Variants in MAGEA4 observed in about 807,000 individuals in gnomAD.
The protein encoded by MAGEA4 is melanoma-associated antigen 4.
A neutral mutation model predicts 13.7 loss-of-function variants in MAGEA4; 1 was observed. The observed-to-expected ratio is 0.07, with a 90% CI of 0.03 to 0.35. The LOEUF is 0.35. Among genes scored for constraint, MAGEA4 ranks in the 10% least tolerant of loss-of-function variants. MAGEA4 has a pLI of 0.99. For synonymous variants in MAGEA4, 132 were observed against 101.1 expected, an observed-to-expected ratio of 1.31 and a Z score of -1.83; for missense variants, 312 against 245.1, an observed-to-expected ratio of 1.27 and a Z score of -1.82.
Position 151,924,818 on chromosome X carries a change from T to A in MAGEA4, c.*200T>A. 2.6e-6 allele frequency: 1 copy of A among 391,982 alleles called. No individual in the cohort carries two copies. The highest frequency in any genetic ancestry group is 4.3e-5 in the East Asian group (1 of 23,466). The allele number at this position is 391,982 out of a possible 1,213,427, so 32.3% of individuals were successfully genotyped here. A position where few individuals can be genotyped will look rare whatever the true frequency, so the allele number is the denominator to read the frequency against. The stretch of plus-strand genomic sequence containing the variant: ...ATTTATCTCTGTTTCCTTTTACAAT[T>A]GTTGAAATGTTCCTTTTAATGGATG... On this transcript the variant is annotated 3_prime_UTR_variant, in exon 3 of 3. Coordinates refer to ENST00000276344, the MANE Select transcript of MAGEA4 (RefSeq NM_001011548.1).
At chrX:151,923,556 T>C (rs1489209520) in intron 2 of MAGEA4, 32 bp downstream of exon 2, 1 of 1,208,388 alleles carries the variant, frequency 8.3e-7, no homozygotes, top group South Asian at 1.8e-5. Flanking sequence ...CCTCTAAGAT[T>C]TGGTTCTCAG....
chrX:151,919,101 C>T (rs1173075925), intron 1 of MAGEA4: 12 of 733,432 alleles, frequency 1.6e-5, no homozygotes, highest in African/African-American at 2.4e-5. Flanking sequence ...AATAATCCCG[C>T]ACCACTCCTG....
rs367779834 is a variant in MAGEA4, at chrX:151,924,538, G to A, written c.874G>A (p.Val292Ile). 10 of 1,208,958 alleles carry A rather than the reference G, an allele frequency of 8.3e-6. No homozygotes were observed. The highest frequency in any genetic ancestry group is 1.0e-5 in the Non-Finnish European group (9 of 894,716). Residue 292 changes from valine (V) to isoleucine (I), a missense_variant, in exon 3 of 3, where the codon GTC becomes ATC. Val to Ile is a conservative substitution (Grantham distance 29). Transcript: ENST00000276344. ...CTATGTGAAAGTCCTGGAGCATGTGGTCAGGGTCAATGCAAGAGTTCGCAT... is the reference window on the plus strand; with the variant it reads ...CTATGTGAAAGTCCTGGAGCATGTGATCAGGGTCAATGCAAGAGTTCGCAT... Reference protein sequence around the residue: ...TSYVKVLEHVVRVNARVRIAY... With the variant: ...TSYVKVLEHVIRVNARVRIAY...
At chrX:151,913,012 T>TA (rs1932970859) in intron 1 of MAGEA4, 43 bp downstream of exon 1, 1 of 107,143 alleles carries the variant, frequency 9.3e-6, no homozygotes, top group African/African-American at 3.5e-5. Context: ...CCACCCCACA[T>TA]AGACGACCAC....
chrX:151,919,646 G>A (rs1933310998), intron 1 of MAGEA4: 2 of 751,079 alleles, frequency 2.7e-6, no homozygotes, highest in Non-Finnish European at 3.1e-6. Context: ...GGGGGTTAGA[G>A]AAAAGCGAGC....
rs889502225 is a variant in MAGEA4 at position 151,924,334 on chromosome X, G to A, written c.670G>A (p.Glu224Lys). The A allele has an allele frequency of 1.7e-6, 2 of 1,211,397 alleles. No homozygotes were observed. The highest frequency in any genetic ancestry group is 2.2e-6 in the Non-Finnish European group (2 of 895,258). Reference sequence around the variant, plus strand: ...CAGCGCCTCTGAGGAGGAAATCTGGGAGGAGCTGGGTGTGATGGGGGTGTA... The same window carrying A: ...CAGCGCCTCTGAGGAGGAAATCTGGAAGGAGCTGGGTGTGATGGGGGTGTA... ...GDSASEEEIW[E>K]ELGVMGVYDG... Residue 224 changes from glutamate (E) to lysine (K), a missense_variant, in exon 3 of 3, where the codon GAG (glutamate) becomes AAG (lysine). Transcript: ENST00000276344.
intron 1 of MAGEA4, among the ~76,000 whole-genome samples, chrX:151,919,996 T>TAC (rs1933342125): frequency 1.7e-5 from 1 of 57,674 alleles, no homozygotes. Flanking sequence ...CCATCCCCCT[T>TAC]CCCATTCCCA....
At chrX:151,918,047 C>T (rs1380902107) in intron 1 of MAGEA4, among the ~76,000 whole-genome samples, 24 of 61,588 alleles carry the variant, frequency 3.9e-4, no homozygotes, top group Non-Finnish European at 6.1e-4. Context: ...TCTGTCATAC[C>T]GCCATCTGCC....
intron 1 of MAGEA4, among the ~76,000 whole-genome samples, chrX:151,922,723 A>G (rs1933505737): frequency 9.0e-6 from 1 of 111,643 alleles, no homozygotes; most frequent in Non-Finnish European, 1.9e-5. Flanking sequence ...TTGTCACCCC[A>G]GAGAGCATGG....
chrX:151,920,726 G>T (rs1026475643), intron 1 of MAGEA4, among the ~76,000 whole-genome samples: 26 of 102,309 alleles, frequency 2.5e-4, no homozygotes, highest in African/African-American at 9.0e-4. Flanking sequence ...ATCCAGGCAA[G>T]CCCTGGGTGG....
chrX:151,912,737 C>T (rs1373608930), upstream of MAGEA4: 12 of 163,793 alleles, frequency 7.3e-5, no homozygotes, highest in Non-Finnish European at 1.3e-4. Context: ...CAATTCAACC[C>T]CCGCACCCTC....
chrX:151,924,468 G>A lies in MAGEA4; in HGVS notation c.804G>A (p.Ala268=), dbSNP rs78850862. ...GGCAGGTACCCGGCAGTAATCCTGC[G>A]CGCTATGAGTTCCTGTGGGGTCCAA... ...EYRQVPGSNP[A]RYEFLWGPRA... The change falls in exon 3 of 3, where the codon GCG becomes GCA. Residue 268 remains alanine (A), a synonymous_variant. Transcript: ENST00000276344. 127 of 1,210,322 alleles carry A rather than the reference G, an allele frequency of 1.0e-4. No individual in the cohort carries two copies. The highest frequency in any genetic ancestry group is 9.8e-4 in the East Asian group (33 of 33,742).
At position 151,923,636 on chromosome X, in the gene MAGEA4, T is replaced by A; in HGVS notation, c.-29T>A. On this transcript the variant is annotated 5_prime_UTR_variant, in exon 3 of 3. Coordinates refer to ENST00000276344, the MANE Select transcript of MAGEA4 (RefSeq NM_001011548.1). ...CCCATTGCCCAGCTTTTGCCTGCAC[T>A]CTTGCCTGCTGCCCTGACCAGAGTC... 8.3e-7 allele frequency: 1 copy of A among 1,211,190 alleles called. No individual in the cohort carries two copies. Among genetic ancestry groups the A allele is most frequent in the South Asian group, 1.8e-5 (1 of 56,976 alleles).
intron 1 of MAGEA4, among the ~76,000 whole-genome samples, chrX:151,922,551 C>T (rs990270426): frequency 9.0e-6 from 1 of 111,339 alleles, no homozygotes; most frequent in African/African-American, 3.3e-5. Context: ...GGACCTTGTT[C>T]TCAGAGGGTG....
At chrX:151,919,759 G>A (rs928879715) in intron 1 of MAGEA4, 39 of 748,469 alleles carry the variant, frequency 5.2e-5, no homozygotes, top group African/African-American at 1.2e-4. Context: ...GGCCCCCACC[G>A]CAGATAGACA....
intron 1 of MAGEA4, among the ~76,000 whole-genome samples, chrX:151,920,104 CCA>C (rs1316442241): frequency 3.8e-5 from 4 of 106,270 alleles, no homozygotes; most frequent in East Asian, 6.0e-4. Context: ...CACCCCAACA[CCA>C]CTATCCCCAT....
chrX:151,918,953 C>T (rs774118615), intron 1 of MAGEA4: 12 of 750,726 alleles, frequency 1.6e-5, no homozygotes, highest in East Asian at 1.5e-4. Flanking sequence ...CTTGCGCATT[C>T]GGGGTTAGAG....
At chrX:151,919,006 G>C (rs1481622135) in intron 1 of MAGEA4, 8 of 749,367 alleles carry the variant, frequency 1.1e-5, no homozygotes, top group Non-Finnish European at 1.3e-5. Context: ...GATTGGTGGA[G>C]GGAAGCGGGC....
intron 1 of MAGEA4, among the ~76,000 whole-genome samples, chrX:151,921,410 C>G (rs960946985): frequency 8.9e-6 from 1 of 112,335 alleles, no homozygotes; most frequent in Non-Finnish European, 1.9e-5. Flanking sequence ...AATAATCCAG[C>G]GCAGCTCCTG....
Sources: allele counts gnomAD v4.1 joint callset (sites outside exome capture counted in the v4.1 genomes callset), GRCh38; gene constraint gnomAD v4.1.1; transcripts MANE v1.5; gene names NCBI Gene and HGNC (gene_info 2026-07-23, HGNC 2026-07-21).